ARHGAP24: variants seen among roughly 807,000 people sequenced by gnomAD.
ARHGAP24 encodes Rho GTPase activating protein 24.
Under a neutral mutation model 76.4 loss-of-function variants are expected in ARHGAP24, and 50 were observed. The ratio of observed to expected loss-of-function variants is 0.65; its 90% CI spans 0.52 to 0.83. The LOEUF (loss-of-function observed/expected upper bound fraction) is 0.83, where lower values mean the gene tolerates loss of function less well. ARHGAP24 is among the 40% of genes least tolerant of loss of function. The probability of loss-of-function intolerance (pLI) is 0.00; values close to 1 mark genes in which losing one functional copy is unlikely to be tolerated. For missense variants in ARHGAP24, 930 were observed against 914.2 expected, an observed-to-expected ratio of 1.02 and a Z score of -0.22; for synonymous variants, 345 against 323.3, an observed-to-expected ratio of 1.07 and a Z score of -0.72.
chr4:85,570,382 CTTTCTTTCTT>C, intron 1 of ARHGAP24, 130 bp from the exon 2 acceptor site: 1,297 of 16,574 alleles, frequency 0.078, 179 homozygotes, highest in South Asian at 0.14. Context: ...TTCTTTCTTT[CTTTCTTTCTT>C]TCTTTCTTTC....
intron 1 of ARHGAP24, among the ~76,000 whole-genome samples, chr4:85,478,617 T>G (rs907296853): frequency 6.6e-6 from 1 of 152,242 alleles, no homozygotes; most frequent in African/African-American, 2.4e-5. Flanking sequence ...TTCCAATGAC[T>G]TACAATATTT....
At chr4:85,476,778 A>G (rs1322168624) in intron 1 of ARHGAP24, among the ~76,000 whole-genome samples, 1 of 152,252 alleles carries the variant, frequency 6.6e-6, no homozygotes, top group Non-Finnish European at 1.5e-5. Flanking sequence ...CACAGAATGT[A>G]TGTATTAGAA....
chr4:85,963,425 A>G (rs1021372407), intron 5 of ARHGAP24, among the ~76,000 whole-genome samples: 6 of 152,108 alleles, frequency 3.9e-5, no homozygotes, highest in African/African-American at 1.4e-4. Context: ...ACAGCACTTA[A>G]GGTTTTAATT....
chr4:85,688,187 C>T (rs1413825934), intron 2 of ARHGAP24, among the ~76,000 whole-genome samples: 2 of 152,140 alleles, frequency 1.3e-5, no homozygotes, highest in African/African-American at 4.8e-5. Context: ...TACATTTGCA[C>T]CAACAATGTA....
intron 3 of ARHGAP24, among the ~76,000 whole-genome samples, chr4:85,848,511 A>G (rs1392533972): frequency 1.3e-5 from 2 of 151,658 alleles, no homozygotes; most frequent in African/African-American, 4.9e-5. Flanking sequence ...AAGGATATGA[A>G]CTCATTCTTT....
intron 3 of ARHGAP24, among the ~76,000 whole-genome samples, chr4:85,799,512 A>G (rs1290422715): frequency 6.6e-6 from 1 of 152,204 alleles, no homozygotes; most frequent in African/African-American, 2.4e-5. Flanking sequence ...ATGAGGTAGA[A>G]GTGAATATTC....
intron 3 of ARHGAP24, among the ~76,000 whole-genome samples, chr4:85,859,848 CTAGT>C (rs1731789332): frequency 6.6e-6 from 1 of 152,028 alleles, no homozygotes; most frequent in Non-Finnish European, 1.5e-5. Context: ...TTGAGCACCC[CTAGT>C]TATGTTTCAG....
chr4:85,721,424 G>A (rs1724933813), intron 2 of ARHGAP24, among the ~76,000 whole-genome samples: 5 of 149,498 alleles, frequency 3.3e-5, no homozygotes, highest in Non-Finnish European at 3.0e-5. Context: ...AAAAAGAAAA[G>A]GAAAAGAAAG....
chr4:85,797,216 A>G (rs1164502272), intron 3 of ARHGAP24, among the ~76,000 whole-genome samples: 3 of 151,592 alleles, frequency 2.0e-5, no homozygotes, highest in Admixed American at 6.6e-5. Context: ...TCTGTTGCCC[A>G]GGCTGGAGTG....
chr4:85,914,031 A>G (rs1054263944), intron 3 of ARHGAP24, among the ~76,000 whole-genome samples: 25 of 152,318 alleles, frequency 1.6e-4, no homozygotes, highest in African/African-American at 6.0e-4. Context: ...TGATATAAGT[A>G]TGGTATCTTC....
chr4:85,605,466 G>A (rs1015051915), intron 2 of ARHGAP24, among the ~76,000 whole-genome samples: 1 of 152,080 alleles, frequency 6.6e-6, no homozygotes, highest in Admixed American at 6.6e-5. Context: ...ATGTTAACAT[G>A]GTTTTGTTTA....
intron 2 of ARHGAP24, among the ~76,000 whole-genome samples, chr4:85,696,367 G>C (rs1200395476): frequency 6.6e-6 from 1 of 151,934 alleles, no homozygotes; most frequent in Non-Finnish European, 1.5e-5. Context: ...ACTTTTATTA[G>C]TGTCTAACAT....
chr4:85,967,233 A>G (rs1445251186), intron 5 of ARHGAP24, among the ~76,000 whole-genome samples: 1 of 152,180 alleles, frequency 6.6e-6, no homozygotes, highest in Non-Finnish European at 1.5e-5. Flanking sequence ...TAGAATATAC[A>G]GAAAGTGTTA....
At chr4:85,503,147 G>T (rs865959439) in intron 1 of ARHGAP24, among the ~76,000 whole-genome samples, 1 of 152,146 alleles carries the variant, frequency 6.6e-6, no homozygotes, top group African/African-American at 2.4e-5. Flanking sequence ...TTTTTGCATC[G>T]ATGAACATCA....
intron 1 of ARHGAP24, among the ~76,000 whole-genome samples, chr4:85,565,874 C>G (rs1246130973): frequency 4.7e-5 from 7 of 150,418 alleles, no homozygotes; most frequent in Admixed American, 3.3e-4. Context: ...TGGTTTGACT[C>G]TTAGAAGAGT....
At chr4:85,658,345 GA>G (rs1347779489) in intron 2 of ARHGAP24, among the ~76,000 whole-genome samples, 1 of 152,072 alleles carries the variant, frequency 6.6e-6, no homozygotes, top group Non-Finnish European at 1.5e-5. Flanking sequence ...TAGACCCTGA[GA>G]CAAACCTTTT....
chr4:85,481,880 C>T (rs1722828767), intron 1 of ARHGAP24, among the ~76,000 whole-genome samples: 2 of 152,124 alleles, frequency 1.3e-5, no homozygotes, highest in Admixed American at 1.3e-4. Context: ...ACTCACTGGG[C>T]ACGCAGAAGT....
intron 3 of ARHGAP24, among the ~76,000 whole-genome samples, chr4:85,845,696 A>C (rs987705231): frequency 2.6e-5 from 4 of 152,148 alleles, no homozygotes; most frequent in Non-Finnish European, 4.4e-5. Flanking sequence ...TGAAGTTACT[A>C]ATATATTCTG....
intron 1 of ARHGAP24, among the ~76,000 whole-genome samples, chr4:85,493,030 C>T (rs1723419956): frequency 6.6e-6 from 1 of 152,122 alleles, no homozygotes; most frequent in African/African-American, 2.4e-5. Context: ...TGGAGAATGT[C>T]TCTCACTTTG....
Sources: gnomAD v4.1 joint callset for allele counts (sites outside exome capture counted in the v4.1 genomes callset) on GRCh38, gnomAD v4.1.1 for gene constraint, MANE v1.5 for transcripts, NCBI Gene and HGNC (gene_info 2026-07-23, HGNC 2026-07-21) for gene names.